Variants in MIPOL1 observed in about 807,000 individuals in gnomAD.
MIPOL1 encodes the protein mirror-image polydactyly gene 1 protein.
MIPOL1 carries 57 observed loss-of-function variants against 60.9 expected under a neutral mutation model. The observed-to-expected ratio is 0.94, with a 90% confidence interval of 0.76 to 1.17. MIPOL1 has a LOEUF of 1.17. Among genes scored for constraint, MIPOL1 ranks in the 50% most tolerant of loss-of-function variants. The pLI, the probability that MIPOL1 is intolerant of heterozygous loss-of-function variation, is 0.00. For synonymous variants in MIPOL1, 179 were observed against 168.8 expected, an observed-to-expected ratio of 1.06 and a Z score of -0.47; for missense variants, 551 against 511.6, an observed-to-expected ratio of 1.08 and a Z score of -0.74.
intron 12 of MIPOL1, among the ~76,000 whole-genome samples, chr14:37,512,640 A>G (rs1429558147): frequency 6.6e-6 from 1 of 152,082 alleles, no homozygotes. Flanking sequence ...TCTTTTCATT[A>G]AAATTATTCT....
chr14:37,285,265 A>G (rs952210847), intron 6 of MIPOL1, 53 bp from the exon 7 acceptor site: 71 of 1,601,482 alleles, frequency 4.4e-5, no homozygotes, highest in Non-Finnish European at 5.3e-5. Flanking sequence ...CTAAAGGTAT[A>G]CATTTGTCCT....
At chr14:37,510,725 G>T (rs1187385140) in intron 12 of MIPOL1, among the ~76,000 whole-genome samples, 1 of 152,100 alleles carries the variant, frequency 6.6e-6, no homozygotes, top group Non-Finnish European at 1.5e-5. Context: ...TAGTTTCAGA[G>T]AATAACAGAT....
chr14:37,451,808 C>CTCTTTTTTTTTTTT (rs1418256414), intron 11 of MIPOL1, among the ~76,000 whole-genome samples: 4 of 84,598 alleles, frequency 4.7e-5, no homozygotes, highest in African/African-American at 2.5e-4. Flanking sequence ...TTTATTCTCT[C>CTCTTTTTTTTTTTT]TTTTTTTTTT....
At chr14:37,323,319 T>C (rs1468240752) in intron 9 of MIPOL1, among the ~76,000 whole-genome samples, 6 of 152,118 alleles carry the variant, frequency 3.9e-5, no homozygotes, top group Non-Finnish European at 7.4e-5. Context: ...GCCTCTGTTA[T>C]GTTCCATTGG....
intron 1 of MIPOL1, among the ~76,000 whole-genome samples, chr14:37,227,257 G>T (rs76745602): frequency 0.03 from 4,595 of 152,228 alleles, 103 homozygotes; most frequent in South Asian, 0.066. Context: ...GCTTCTTAGA[G>T]ACTGCTTGCT....
chr14:37,320,050 A>T (rs2088394631), intron 9 of MIPOL1, among the ~76,000 whole-genome samples: 2 of 152,198 alleles, frequency 1.3e-5, no homozygotes, highest in Admixed American at 6.6e-5. Flanking sequence ...CATATTAAAC[A>T]TGTTAAACAG....
At chr14:37,500,281 A>G (rs547479740) in intron 12 of MIPOL1, 143 bp downstream of exon 12, 2 of 656,516 alleles carry the variant, frequency 3.0e-6, no homozygotes, top group South Asian at 2.3e-5. Context: ...ACTTTTTTAG[A>G]TTGGATACCA....
intron 11 of MIPOL1, among the ~76,000 whole-genome samples, chr14:37,487,425 T>C (rs185815963): frequency 1.3e-5 from 2 of 152,314 alleles, no homozygotes; most frequent in African/African-American, 4.8e-5. Context: ...CCAGCTCTTC[T>C]TTGTACCTCT....
intron 1 of MIPOL1, among the ~76,000 whole-genome samples, chr14:37,201,171 C>T (rs937441746): frequency 5.3e-5 from 8 of 151,990 alleles, no homozygotes; most frequent in African/African-American, 1.9e-4. Context: ...TCCCTAAATG[C>T]TGGGATTACA....
intron 11 of MIPOL1, among the ~76,000 whole-genome samples, chr14:37,471,922 A>G (rs950015341): frequency 2.8e-4 from 42 of 152,324 alleles, no homozygotes; most frequent in Non-Finnish European, 5.1e-4. Flanking sequence ...AGCCCTAGCA[A>G]AGCGCCCAGC....
intron 9 of MIPOL1, among the ~76,000 whole-genome samples, chr14:37,326,436 G>A (rs1026434496): frequency 2.0e-5 from 3 of 152,180 alleles, no homozygotes; most frequent in Admixed American, 6.5e-5. Context: ...GAAGCATTGT[G>A]TGTAGGGAAG....
At chr14:37,229,262 C>T (rs1970252114) in intron 1 of MIPOL1, among the ~76,000 whole-genome samples, 1 of 152,138 alleles carries the variant, frequency 6.6e-6, no homozygotes, top group Non-Finnish European at 1.5e-5. Context: ...CAAGTGATCT[C>T]TTACTGCAGC....
intron 10 of MIPOL1, chr14:37,369,843 G>C (rs936579222): frequency 7.1e-6 from 2 of 282,590 alleles, no homozygotes; most frequent in Non-Finnish European, 1.3e-5. Flanking sequence ...AATTTTGAGT[G>C]GTGGTATATT....
intron 10 of MIPOL1, among the ~76,000 whole-genome samples, chr14:37,403,288 A>G (rs1423961923): frequency 6.6e-6 from 1 of 152,072 alleles, no homozygotes; most frequent in Non-Finnish European, 1.5e-5. Flanking sequence ...ACAAATTCTC[A>G]TGGGAGGTTG....
intron 7 of MIPOL1, among the ~76,000 whole-genome samples, chr14:37,299,725 C>G (rs1220180884): frequency 6.6e-6 from 1 of 152,080 alleles, no homozygotes; most frequent in Non-Finnish European, 1.5e-5. Flanking sequence ...TACCATGATA[C>G]TTTTGTCACG....
chr14:37,369,494 A>C, intron 9 of MIPOL1, 23 bp from the exon 10 acceptor site: 1 of 1,575,698 alleles, frequency 6.3e-7, no homozygotes, highest in Non-Finnish European at 8.7e-7. Flanking sequence ...CCTTTACTTA[A>C]TGGGATTCTT....
At chr14:37,297,980 C>T (rs1333505468) in intron 7 of MIPOL1, among the ~76,000 whole-genome samples, 1 of 152,134 alleles carries the variant, frequency 6.6e-6, no homozygotes, top group African/African-American at 2.4e-5. Context: ...CAAAAAAGAG[C>T]CCGCATCGCC....
chr14:37,457,192 G>A (rs2094486276), intron 11 of MIPOL1, among the ~76,000 whole-genome samples: 1 of 152,174 alleles, frequency 6.6e-6, no homozygotes, highest in South Asian at 2.1e-4. Context: ...GACCAGGGCT[G>A]TAGGTGAGCT....
rs747291428 is a variant in MIPOL1 at position 37,499,898 on chromosome 14, A to G, written c.1032-10A>G. On this transcript the variant is annotated splice_polypyrimidine_tract_variant and intron_variant, in intron 11 of 12. Transcript: ENST00000684589. ...TACTTATCTTTAAATTTTTTTTAAT[A>G]TTTTCTCAGTTTACACAAATCTTTA... 1.4e-6 allele frequency: 2 copies of G among 1,459,622 alleles called. No homozygotes were observed. The highest frequency in any genetic ancestry group is 2.0e-5 in the Admixed American group (1 of 49,518). 90.4% of individuals were successfully genotyped at this position (1,459,622 alleles called of 1,614,324 possible).
Sources: gnomAD v4.1 joint callset for allele counts (sites outside exome capture counted in the v4.1 genomes callset) on GRCh38, gnomAD v4.1.1 for gene constraint, MANE v1.5 for transcripts, NCBI Gene and HGNC (gene_info 2026-07-23, HGNC 2026-07-21) for gene names.